The following ZNF804A variants were observed in gnomAD, a reference collection of about 807,000 sequenced individuals.
The protein encoded by ZNF804A is zinc finger protein 804A.
A neutral mutation model predicts 16.5 loss-of-function variants in ZNF804A; 2 were observed. That is an observed-to-expected ratio of 0.12 (90% CI 0.05 to 0.38). The LOEUF (loss-of-function observed/expected upper bound fraction) is 0.38, where lower values mean the gene tolerates loss of function less well. Among genes scored for constraint, ZNF804A ranks in the 10% least tolerant of loss-of-function variants. ZNF804A has a pLI of 0.99. For synonymous variants in ZNF804A, 534 were observed against 489.6 expected, an observed-to-expected ratio of 1.09 and a Z score of -1.20; for missense variants, 1,473 against 1,390.7, an observed-to-expected ratio of 1.06 and a Z score of -0.94.
chr2:184,672,974 C>A (rs1478914507), intron 1 of ZNF804A, among the ~76,000 whole-genome samples: 1 of 151,944 alleles, frequency 6.6e-6, no homozygotes, highest in Non-Finnish European at 1.5e-5. Flanking sequence ...GTCTTGAACT[C>A]CCAACCTTGT....
intron 2 of ZNF804A, among the ~76,000 whole-genome samples, chr2:184,930,419 A>ATTT (rs1685679025): frequency 6.6e-6 from 1 of 152,204 alleles, no homozygotes; most frequent in African/African-American, 2.4e-5. Flanking sequence ...CTACTCTGGA[A>ATTT]AGTCTTATCC....
chr2:184,610,147 C>G (rs905459818), intron 1 of ZNF804A, among the ~76,000 whole-genome samples: 3 of 152,110 alleles, frequency 2.0e-5, no homozygotes, highest in African/African-American at 4.8e-5. Flanking sequence ...AGTCCACTTG[C>G]GATGTGATGC....
rs555474381 is a variant in ZNF804A, at chr2:184,616,795, A to G, written c.111+17725A>G. ...CACCTGAAAGTTTAGAAAATGTAGC[A>G]TCATGGACCTCTTTTCATAGGTTCT... On this transcript the variant is annotated intron_variant, in intron 1 of 3. Coordinates refer to ENST00000302277, the MANE Select transcript of ZNF804A (RefSeq NM_194250.2). 2.0e-5 allele frequency among the ~76,000 whole-genome samples: 3 copies of G among 152,282 alleles called. No individual in the cohort carries two copies. In the South Asian group the frequency reaches 6.2e-4, roughly 32 times the overall value.
chr2:184,644,332 AT>A (rs1418680380), intron 1 of ZNF804A, among the ~76,000 whole-genome samples: 33 of 151,906 alleles, frequency 2.2e-4, no homozygotes, highest in Admixed American at 1.1e-3. Flanking sequence ...TTTATAACCC[AT>A]GCAGAAGCAA....
At chr2:184,722,908 T>C (rs181067128) in intron 1 of ZNF804A, among the ~76,000 whole-genome samples, 1 of 152,108 alleles carries the variant, frequency 6.6e-6, no homozygotes. Context: ...TACAGGAAAG[T>C]TTAGGCTTCA....
At chr2:184,742,427 T>C (rs963284899) in intron 1 of ZNF804A, among the ~76,000 whole-genome samples, 1 of 151,968 alleles carries the variant, frequency 6.6e-6, no homozygotes, top group Non-Finnish European at 1.5e-5. Context: ...ATTTCATGGG[T>C]ATTTGCAAAG....
At position 184,938,427 on chromosome 2, in the gene ZNF804A, CAT is replaced by C; in HGVS notation, c.3032_3033del (p.His1011ArgfsTer10). On this transcript the variant is annotated frameshift_variant, in exon 4 of 4. Coordinates refer to ENST00000302277, the MANE Select transcript of ZNF804A (RefSeq NM_194250.2). LOFTEE classifies it low-confidence loss of function (END_TRUNC). Reference sequence around the variant, plus strand: ...ACCACCATTACCATTCAAAGAAGCACATGTCAGTGGTCATACTTTTGTAACAG... The same window carrying C: ...ACCACCATTACCATTCAAAGAAGCACGTCAGTGGTCATACTTTTGTAACAG... ...TQPPLPFKEA[H>X]VSGHTFVTAE... 6.2e-7 allele frequency: 1 copy of C among 1,614,092 alleles called. No homozygotes were observed. The highest frequency in any genetic ancestry group is 2.2e-5 in the East Asian group (1 of 44,850).
intron 2 of ZNF804A, among the ~76,000 whole-genome samples, chr2:184,918,190 C>A (rs1685480065): frequency 6.6e-6 from 1 of 152,136 alleles, no homozygotes; most frequent in Non-Finnish European, 1.5e-5. Flanking sequence ...TCAATCACCT[C>A]ACCCAGCACA....
In ZNF804A at chr2:184,932,437, G is replaced by T. The variant is rs1574276337; in HGVS notation, c.256-1166G>T. Reference sequence around the variant, plus strand: ...TACATGGAGGCAGGAAAGAGAGCATGTGCAAGGAAACTCCTCTTTATAAAA... The same window carrying T: ...TACATGGAGGCAGGAAAGAGAGCATTTGCAAGGAAACTCCTCTTTATAAAA... On this transcript the variant is annotated intron_variant, in intron 2 of 3. Coordinates refer to ENST00000302277, the MANE Select transcript of ZNF804A (RefSeq NM_194250.2). Among the ~76,000 whole-genome samples, 3 of 152,262 alleles carry T rather than the reference G, an allele frequency of 2.0e-5. 1 individual carries two copies. The South Asian group carries it at 6.2e-4, about 32-fold the overall frequency.
At chr2:184,897,421 C>T (rs116619854) in intron 2 of ZNF804A, among the ~76,000 whole-genome samples, 10 of 151,300 alleles carry the variant, frequency 6.6e-5, no homozygotes, top group African/African-American at 2.4e-4. Flanking sequence ...TTTTTCCCCC[C>T]CTTTTTTCCC....
At chr2:184,637,286 C>T (rs2105690849) in intron 1 of ZNF804A, among the ~76,000 whole-genome samples, 1 of 152,098 alleles carries the variant, frequency 6.6e-6, no homozygotes, top group Admixed American at 6.5e-5. Context: ...GTATTTTCCC[C>T]AAACTTGGCA....
chr2:184,849,197 T>C (rs1695565509), intron 1 of ZNF804A, among the ~76,000 whole-genome samples: 1 of 151,990 alleles, frequency 6.6e-6, no homozygotes, highest in Non-Finnish European at 1.5e-5. Flanking sequence ...TGGACCCATG[T>C]GGTATTAATT....
At chr2:184,836,407 C>G (rs994715774) in intron 1 of ZNF804A, among the ~76,000 whole-genome samples, 7 of 151,990 alleles carry the variant, frequency 4.6e-5, no homozygotes, top group Admixed American at 2.6e-4. Context: ...TCATTACAGA[C>G]AAGATACAGA....
chr2:184,817,759 A>G (rs1695004973), intron 1 of ZNF804A, among the ~76,000 whole-genome samples: 1 of 152,060 alleles, frequency 6.6e-6, no homozygotes, highest in African/African-American at 2.4e-5. Flanking sequence ...TTCACAATAC[A>G]GTCACAGGTA....
At chr2:184,772,180 G>A (rs1694225813) in intron 1 of ZNF804A, among the ~76,000 whole-genome samples, 1 of 150,712 alleles carries the variant, frequency 6.6e-6, no homozygotes, top group Non-Finnish European at 1.5e-5. Flanking sequence ...GTTGATAATA[G>A]CTTTACTGAA....
chr2:184,711,607 T>C (rs1693127024), intron 1 of ZNF804A, among the ~76,000 whole-genome samples: 1 of 151,738 alleles, frequency 6.6e-6, no homozygotes, highest in South Asian at 2.1e-4. Flanking sequence ...TCTCCTTCTA[T>C]GTTTTCTTTT....
intron 1 of ZNF804A, among the ~76,000 whole-genome samples, chr2:184,695,563 G>A (rs915059606): frequency 1.3e-5 from 2 of 150,010 alleles, no homozygotes; most frequent in African/African-American, 4.9e-5. Context: ...GGAGTGCATC[G>A]GCATGATCAT....
chr2:184,768,696 G>A (rs527690337), intron 1 of ZNF804A, among the ~76,000 whole-genome samples: 1 of 152,032 alleles, frequency 6.6e-6, no homozygotes, highest in South Asian at 2.1e-4. Flanking sequence ...TTATTAAGGG[G>A]TATACCTTCA....
chr2:184,769,997 T>A (rs1160237839), intron 1 of ZNF804A, among the ~76,000 whole-genome samples: 2 of 152,080 alleles, frequency 1.3e-5, no homozygotes, highest in Non-Finnish European at 2.9e-5. Context: ...AAGTTATAAT[T>A]TTGAGTTTCG....
Sources: allele counts gnomAD v4.1 joint callset (sites outside exome capture counted in the v4.1 genomes callset), GRCh38; gene constraint gnomAD v4.1.1; transcripts MANE v1.5; gene names NCBI Gene and HGNC (gene_info 2026-07-23, HGNC 2026-07-21).